The following ZNF385D variants were observed in gnomAD, a reference collection of about 807,000 sequenced individuals.
The protein encoded by ZNF385D is zinc finger protein 385D.
A neutral mutation model predicts 35.8 loss-of-function variants in ZNF385D; 15 were observed. That is an observed-to-expected ratio of 0.42 (90% confidence interval 0.28 to 0.64). The LOEUF is 0.64. Ranked by LOEUF, ZNF385D falls within the 30% of genes least tolerant of loss-of-function variation. ZNF385D has a pLI of 0.23. For synonymous variants in ZNF385D, 212 were observed against 186.8 expected (o/e 1.13, Z -1.10); for missense variants, 474 against 494.6 (o/e 0.96, Z 0.39).
At chr3:22,223,699 CA>C (rs1175135460) in intron 2 of ZNF385D, among the ~76,000 whole-genome samples, 22 of 152,054 alleles carry the variant, frequency 1.4e-4, no homozygotes, top group African/African-American at 5.3e-4. Flanking sequence ...ATGCACAAGA[CA>C]AAGAAACAAA....
At chr3:22,097,374 G>C (rs1701688798) in intron 3 of ZNF385D, among the ~76,000 whole-genome samples, 1 of 152,000 alleles carries the variant, frequency 6.6e-6, no homozygotes, top group South Asian at 2.1e-4. Flanking sequence ...GGGCTTTGAG[G>C]GGAGTATTAG....
At chr3:21,515,766 G>A (rs1707516686) in intron 3 of ZNF385D, among the ~76,000 whole-genome samples, 1 of 152,162 alleles carries the variant, frequency 6.6e-6, no homozygotes, top group African/African-American at 2.4e-5. Context: ...GTTCAGGGCT[G>A]AAACCACCTT....
chr3:21,465,723 C>T lies in ZNF385D; in HGVS notation c.440-28520G>A, dbSNP rs1703470285. Among the ~76,000 whole-genome samples the T allele has an allele frequency of 6.6e-6, 1 of 152,152 alleles. No individual in the cohort carries two copies. Among genetic ancestry groups the T allele is most frequent in the Non-Finnish European group, 1.5e-5 (1 of 68,026 alleles). On this transcript the variant is annotated intron_variant, in intron 4 of 7. Transcript: ENST00000281523. The surrounding 1 kb of genome is among the most constrained non-coding windows in gnomAD (Gnocchi z 4.2). The stretch of plus-strand genomic sequence containing the variant: ...AAAATTCACCTGTGTGAATTTACAA[C>T]ATTTCTATAATTTGTTTCTTTATCA...
intron 2 of ZNF385D, among the ~76,000 whole-genome samples, chr3:22,178,788 C>G (rs911317351): frequency 1.3e-5 from 2 of 152,162 alleles, no homozygotes; most frequent in African/African-American, 2.4e-5. Context: ...GATCTAGTTT[C>G]AGCTTTCTAC....
chr3:22,111,185 T>TTTTTTTTTG (rs1559377211), intron 3 of ZNF385D, among the ~76,000 whole-genome samples: 1 of 122,134 alleles, frequency 8.2e-6, no homozygotes, highest in Non-Finnish European at 1.7e-5. Context: ...TTGTTTTTTT[T>TTTTTTTTTG]GTACTCTCAG....
intron 3 of ZNF385D, among the ~76,000 whole-genome samples, chr3:21,841,177 C>A (rs770690991): frequency 1.3e-5 from 2 of 152,006 alleles, no homozygotes; most frequent in Non-Finnish European, 2.9e-5. Context: ...TACTAAACTG[C>A]ATATCGTGGG....
At chr3:22,134,082 G>T (rs527593513) in intron 3 of ZNF385D, 7 of 151,922 alleles carry the variant, frequency 4.6e-5, no homozygotes, top group East Asian at 1.9e-4. Flanking sequence ...AAATACTAAA[G>T]TATCAATAAT....
intron 2 of ZNF385D, among the ~76,000 whole-genome samples, chr3:22,174,198 A>G (rs1287852884): frequency 2.0e-5 from 3 of 152,166 alleles, no homozygotes; most frequent in Admixed American, 6.5e-5. Flanking sequence ...ACCAAACCCA[A>G]TTTTAATGAG....
intron 3 of ZNF385D, among the ~76,000 whole-genome samples, chr3:21,877,397 G>C (rs1698036172): frequency 2.0e-5 from 3 of 152,034 alleles, no homozygotes; most frequent in Admixed American, 2.0e-4. Context: ...CATTCTCTGA[G>C]ACTGTGATTC....
intron 3 of ZNF385D, among the ~76,000 whole-genome samples, chr3:22,101,127 A>G (rs1701919199): frequency 6.6e-6 from 1 of 152,074 alleles, no homozygotes; most frequent in Admixed American, 6.6e-5. Flanking sequence ...ATAAGGTTCT[A>G]CTTGGATTAA....
intron 2 of ZNF385D, among the ~76,000 whole-genome samples, chr3:22,298,459 A>T (rs1016135370): frequency 1.5e-4 from 19 of 124,110 alleles, no homozygotes; most frequent in Non-Finnish European, 2.2e-4. Flanking sequence ...ATTTATATAT[A>T]ATATATAAAT....
At chr3:21,699,825 T>G (rs1398684287) in intron 1 of ZNF385D, among the ~76,000 whole-genome samples, 2 of 127,706 alleles carry the variant, frequency 1.6e-5, no homozygotes, top group East Asian at 4.1e-4. Context: ...TTCTTTTCCT[T>G]TTTTTTTTTT....
At chr3:21,971,741 C>T (rs949035610) in intron 3 of ZNF385D, among the ~76,000 whole-genome samples, 1 of 150,172 alleles carries the variant, frequency 6.7e-6, no homozygotes, top group Non-Finnish European at 1.5e-5. Flanking sequence ...TATAAAGATA[C>T]ATATAAACTG....
At chr3:22,174,450 T>C (rs1694682556) in intron 2 of ZNF385D, among the ~76,000 whole-genome samples, 1 of 152,170 alleles carries the variant, frequency 6.6e-6, no homozygotes, top group South Asian at 2.1e-4. Context: ...GTAAGTAGTT[T>C]TACAAATGAC....
At chr3:22,323,110 T>C (rs1305945600) in intron 2 of ZNF385D, among the ~76,000 whole-genome samples, 1 of 151,984 alleles carries the variant, frequency 6.6e-6, no homozygotes, top group East Asian at 1.9e-4. Context: ...GCTAGGCTTA[T>C]TAGGGGAAGG....
At chr3:22,325,656 G>C (rs138183989) in intron 2 of ZNF385D, among the ~76,000 whole-genome samples, 4 of 152,048 alleles carry the variant, frequency 2.6e-5, no homozygotes, top group Non-Finnish European at 5.9e-5. Context: ...CTACTCAGGA[G>C]GCTGAGGCAG....
intron 3 of ZNF385D, among the ~76,000 whole-genome samples, chr3:21,931,184 C>T (rs113259450): frequency 1.3e-5 from 2 of 152,124 alleles, no homozygotes; most frequent in African/African-American, 4.8e-5. Context: ...TAATAAGCAC[C>T]TGAAGAATGC....
chr3:21,828,768 A>G (rs1694814077), intron 3 of ZNF385D, among the ~76,000 whole-genome samples: 1 of 150,412 alleles, frequency 6.6e-6, no homozygotes, highest in African/African-American at 2.4e-5. Context: ...GTTTTACTGC[A>G]CTGAATTCAA....
At chr3:22,111,899 C>T (rs1576340115) in intron 3 of ZNF385D, among the ~76,000 whole-genome samples, 1 of 152,064 alleles carries the variant, frequency 6.6e-6, no homozygotes, top group Admixed American at 6.6e-5. Flanking sequence ...AAGTGAAAAG[C>T]ACAGAAGAAA....
Sources: allele counts gnomAD v4.1 joint callset (sites outside exome capture counted in the v4.1 genomes callset), GRCh38; gene constraint gnomAD v4.1.1; non-coding constraint Gnocchi (gnomAD v3.1); transcripts MANE v1.5; gene names NCBI Gene and HGNC (gene_info 2026-07-23, HGNC 2026-07-21).